The following SMPX variants were observed in gnomAD, a reference collection of about 807,000 sequenced individuals.
SMPX encodes the protein small muscle protein X-linked.
Under a neutral mutation model 6.3 loss-of-function variants are expected in SMPX, and 2 were observed. The ratio of observed to expected loss-of-function variants is 0.32; its 90% CI spans 0.13 to 0.99. The LOEUF is 0.99. Ranked by LOEUF, SMPX falls within the 50% of genes least tolerant of loss-of-function variation. The pLI is 0.49. For missense variants in SMPX, 60 were observed against 66.8 expected, an observed-to-expected ratio of 0.90 and a Z score of 0.36; for synonymous variants, 32 against 24.7, an observed-to-expected ratio of 1.30 and a Z score of -0.88.
intron 4 of SMPX, among the ~76,000 whole-genome samples, chrX:21,734,710 G>C (rs1016650457): frequency 3.6e-5 from 4 of 111,312 alleles, no homozygotes. Flanking sequence ...TCCGGTTTGG[G>C]TCTAGGCCCC....
At chrX:21,715,737 C>A (rs903218517) in intron 4 of SMPX, among the ~76,000 whole-genome samples, 2 of 110,641 alleles carry the variant, frequency 1.8e-5, no homozygotes, top group African/African-American at 6.6e-5. Flanking sequence ...TTTTGCCCCC[C>A]ACCCCGTGGT....
At chrX:21,711,569 A>G (rs2092778801) in intron 4 of SMPX, among the ~76,000 whole-genome samples, 1 of 111,897 alleles carries the variant, frequency 8.9e-6, no homozygotes, top group Non-Finnish European at 1.9e-5. Context: ...TGATACACCA[A>G]ATATCTCCCT....
Position 21,718,708 on chromosome X carries a change from T to A in SMPX, c.*15-12314A>T, listed in dbSNP as rs2092788086. 3.6e-5 allele frequency among the ~76,000 whole-genome samples: 4 copies of A among 111,776 alleles called. No individual in the cohort carries two copies. In the Admixed American group the frequency reaches 3.8e-4, roughly 11 times the overall value. On this transcript the variant is annotated intron_variant, in intron 4 of 4. Coordinates refer to ENST00000379494, the MANE Select transcript of SMPX (RefSeq NM_014332.3). ...GGGAGACAGTTCCATTCCTAATGAT[T>A]TAACCATAAATAAAGCCCTGCTATA... is the stretch of plus-strand genomic sequence containing the variant.
chrX:21,733,713 T>A, intron 4 of SMPX: 1 of 328,861 alleles, frequency 3.0e-6, no homozygotes, highest in Non-Finnish European at 5.9e-6. Context: ...TTGATACTTA[T>A]TTTGTTCCTC....
At chrX:21,709,517 G>C (rs769841387) in intron 4 of SMPX, among the ~76,000 whole-genome samples, 4 of 111,981 alleles carry the variant, frequency 3.6e-5, no homozygotes, top group Non-Finnish European at 7.5e-5. Context: ...ACATAGCAGG[G>C]GTCCAGTGAT....
chrX:21,714,623 T>G (rs148746981), intron 4 of SMPX, among the ~76,000 whole-genome samples: 1 of 112,324 alleles, frequency 8.9e-6, no homozygotes, highest in African/African-American at 3.2e-5. Context: ...TATACTGCTG[T>G]GTGCCTGCTA....
At chrX:21,728,234 CTCTCTCTCTCTCT>C in intron 4 of SMPX, among the ~76,000 whole-genome samples, 1 of 42,846 alleles carries the variant, frequency 2.3e-5, no homozygotes, top group Non-Finnish European at 4.0e-5. Flanking sequence ...CTCTCTCTCT[CTCTCTCTCTCTCT>C]CTCTCTCTCT....
At chrX:21,720,499 T>C (rs1452030531) in intron 4 of SMPX, among the ~76,000 whole-genome samples, 1 of 112,947 alleles carries the variant, frequency 8.9e-6, no homozygotes, top group Admixed American at 9.3e-5. Flanking sequence ...ATATTTATTG[T>C]TCTTTTAAAT....
At chrX:21,727,739 A>G (rs767485859) in intron 4 of SMPX, 6 of 112,150 alleles carry the variant, frequency 5.3e-5, no homozygotes, top group Non-Finnish European at 1.1e-4. Context: ...TGCCATCTGC[A>G]TAAAGTCCTA....
chrX:21,737,118 T>C (rs1392541310), intron 4 of SMPX, among the ~76,000 whole-genome samples: 1 of 111,225 alleles, frequency 9.0e-6, no homozygotes, highest in African/African-American at 3.3e-5. Context: ...TGCCTCTTTA[T>C]ACTCCCAAAC....
Position 21,741,918 on chromosome X carries a change from C to A in SMPX, c.132+1832G>T, listed in dbSNP as rs73635531. Among the ~76,000 whole-genome samples the A allele has an allele frequency of 5.3e-3, 599 of 112,468 alleles. 5 individuals are homozygous for A. The highest frequency in any genetic ancestry group is 0.019 in the African/African-American group (575 of 30,991). ...ATAAAGTAGGTGTTCACACACCAAG[C>A]TGTATCAGTTCTTGTCTATTTTAGA... On this transcript the variant is annotated intron_variant, in intron 3 of 4. Transcript: ENST00000379494.
At position 21,758,047 on chromosome X, in the gene SMPX, G is replaced by A. The variant is rs1209440575; in HGVS notation, c.-118C>T. The A allele has an allele frequency of 3.0e-6, 1 of 329,542 alleles. No individual in the cohort carries two copies. The highest frequency in any genetic ancestry group is 2.6e-5 in the South Asian group (1 of 38,497). The allele number at this position is 329,542 out of a possible 1,213,427, so 27.2% of individuals were successfully genotyped here. A position where few individuals can be genotyped will look rare whatever the true frequency, so the allele number is the denominator to read the frequency against. ...AGGGGCGCCCGGTGTCCTCTGAGCTGCGATCTCAATTCCGATGCTTTTCAT... is the reference window on the plus strand; with the variant it reads ...AGGGGCGCCCGGTGTCCTCTGAGCTACGATCTCAATTCCGATGCTTTTCAT... On this transcript the variant is annotated 5_prime_UTR_variant, in exon 1 of 5. Coordinates refer to ENST00000379494, the MANE Select transcript of SMPX (RefSeq NM_014332.3).
At chrX:21,754,192 C>T in intron 2 of SMPX, 54 bp downstream of exon 2, 4 of 1,052,579 alleles carry the variant, frequency 3.8e-6, no homozygotes, top group South Asian at 1.9e-5. Flanking sequence ...AGTGAACAAT[C>T]GCCAGAAATA....
rs762526009 is a variant in SMPX at position 21,719,386 on chromosome X, C to T, written c.*15-12992G>A. On this transcript the variant is annotated intron_variant, in intron 4 of 4. Coordinates refer to ENST00000379494, the MANE Select transcript of SMPX (RefSeq NM_014332.3). ...ATAAAAAATTAGCCGGATGTGGTGA[C>T]GCACGCCTGTAATCCCAGCTCCTCC... Among the ~76,000 whole-genome samples the T allele has an allele frequency of 3.7e-4, 41 of 110,500 alleles. 1 individual carries two copies. Among genetic ancestry groups the T allele is most frequent in the Non-Finnish European group, 6.2e-4 (33 of 52,883 alleles).
At chrX:21,733,453 T>A (rs981880769) in intron 4 of SMPX, among the ~76,000 whole-genome samples, 6 of 112,335 alleles carry the variant, frequency 5.3e-5, no homozygotes, top group African/African-American at 1.9e-4. Flanking sequence ...ATTTTGCATT[T>A]TTCTAAAACC....
Position 21,743,775 on chromosome X carries a change from T to A in SMPX, c.107A>T (p.Lys36Ile). ...CTCCTCCACTTCAGGAGTACATTCT[T>A]TTCTTCTGGGGGGTTGACCTGCTCC... Reference protein sequence around the residue: ...RPGAGQPPRRKECTPEVEEGV... With the variant: ...RPGAGQPPRRIECTPEVEEGV... Residue 36 changes from lysine (K) to isoleucine (I), a missense_variant, in exon 3 of 5, where the codon AAA becomes ATA. Lys to Ile is a moderately radical substitution (Grantham distance 102). Transcript: ENST00000379494. 1 of 1,209,448 alleles carries A rather than the reference T, an allele frequency of 8.3e-7. No homozygotes were observed. The highest frequency in any genetic ancestry group is 1.1e-6 in the Non-Finnish European group (1 of 893,606).
intron 4 of SMPX, among the ~76,000 whole-genome samples, chrX:21,734,883 C>T (rs138657204): frequency 0.012 from 1,377 of 111,927 alleles, 13 homozygotes; most frequent in Non-Finnish European, 0.019. Context: ...AGGCACTGAT[C>T]TTGGCTAGAA....
At chrX:21,728,015 T>C (rs2092798898) in intron 4 of SMPX, among the ~76,000 whole-genome samples, 1 of 111,569 alleles carries the variant, frequency 9.0e-6, no homozygotes, top group Non-Finnish European at 1.9e-5. Flanking sequence ...CGGAGACTGC[T>C]GCACCATGAA....
At chrX:21,731,817 G>A (rs1283176567) in intron 4 of SMPX, among the ~76,000 whole-genome samples, 1 of 73,082 alleles carries the variant, frequency 1.4e-5, no homozygotes, top group African/African-American at 6.1e-5. Context: ...CATACATAAT[G>A]TATATATACA....
Sources: allele counts gnomAD v4.1 joint callset (sites outside exome capture counted in the v4.1 genomes callset), GRCh38; gene constraint gnomAD v4.1.1; transcripts MANE v1.5; gene names NCBI Gene and HGNC (gene_info 2026-07-23, HGNC 2026-07-21).